RASA1: variants seen among roughly 807,000 people sequenced by gnomAD.
The protein encoded by RASA1 is ras GTPase-activating protein 1.
A neutral mutation model predicts 132.2 loss-of-function variants in RASA1; 25 were observed. The ratio of observed to expected loss-of-function variants is 0.19; its 90% CI spans 0.14 to 0.26. The LOEUF (loss-of-function observed/expected upper bound fraction) is 0.26, where lower values mean the gene tolerates loss of function less well. Among genes scored for constraint, RASA1 ranks in the 10% least tolerant of loss-of-function variants. The pLI is 1.00. For missense variants in RASA1, 964 were observed against 1,299.2 expected (o/e 0.74, Z 3.97); for synonymous variants, 477 against 449.9 (o/e 1.06, Z -0.76).
intron 24 of RASA1, 58 bp from the exon 25 acceptor site, chr5:87,390,742 A>C: frequency 7.0e-7 from 1 of 1,423,600 alleles, no homozygotes. Flanking sequence ...CCAGGTTCCC[A>C]TCCTGAAATT....
intron 19 of RASA1, 121 bp from the exon 20 acceptor site, chr5:87,380,388 T>C (rs924710371): frequency 2.2e-6 from 2 of 902,946 alleles, no homozygotes; most frequent in African/African-American, 3.3e-5. Context: ...AAAATACTTT[T>C]TTGGGTAAAA....
chr5:87,363,622 T>C, intron 11 of RASA1, 118 bp downstream of exon 11: 3 of 1,186,464 alleles, frequency 2.5e-6, no homozygotes, highest in Non-Finnish European at 3.6e-6. Context: ...AGATGCACTT[T>C]CTAGGTAATT....
At chr5:87,327,471 G>A (rs976092956) in intron 1 of RASA1, among the ~76,000 whole-genome samples, 7 of 152,262 alleles carry the variant, frequency 4.6e-5, no homozygotes, top group East Asian at 1.9e-4. Flanking sequence ...AGACTTGGCC[G>A]TAACTGTGGA....
intron 2 of RASA1, among the ~76,000 whole-genome samples, chr5:87,331,706 T>TA (rs1408130452): frequency 1.3e-5 from 2 of 152,216 alleles, no homozygotes; most frequent in Non-Finnish European, 2.9e-5. Context: ...TGTTGGGCAT[T>TA]ACTGTGCTGA....
At chr5:87,347,515 A>G (rs1347423440) in intron 7 of RASA1, among the ~76,000 whole-genome samples, 1 of 151,998 alleles carries the variant, frequency 6.6e-6, no homozygotes, top group African/African-American at 2.4e-5. Flanking sequence ...AGTTCTTCAA[A>G]AATGTTGACT....
intron 23 of RASA1, 149 bp from the exon 24 acceptor site, chr5:87,389,244 T>C (rs996607703): frequency 9.9e-5 from 89 of 901,556 alleles, no homozygotes; most frequent in Non-Finnish European, 1.4e-4. Context: ...GGCAGGAGAA[T>C]CGCTTGAACC....
chr5:87,344,407 T>TA (rs1425999006), intron 6 of RASA1, among the ~76,000 whole-genome samples: 1 of 152,172 alleles, frequency 6.6e-6, no homozygotes, highest in Non-Finnish European at 1.5e-5. Flanking sequence ...TAGCAGAGCC[T>TA]AAAAAATGAT....
At chr5:87,312,951 A>G (rs934628089) in intron 1 of RASA1, among the ~76,000 whole-genome samples, 3 of 152,216 alleles carry the variant, frequency 2.0e-5, no homozygotes, top group Non-Finnish European at 4.4e-5. Flanking sequence ...TGAGTAGGCC[A>G]GATTATTGAA....
At chr5:87,335,339 C>G in intron 4 of RASA1, among the ~76,000 whole-genome samples, 1 of 147,672 alleles carries the variant, frequency 6.8e-6, no homozygotes, top group Non-Finnish European at 1.5e-5. Context: ...TTTAGACATT[C>G]TGTATTGGCC....
intron 1 of RASA1, among the ~76,000 whole-genome samples, chr5:87,294,796 G>A (rs188396473): frequency 6.6e-6 from 1 of 152,236 alleles, no homozygotes; most frequent in East Asian, 1.9e-4. Context: ...TATTTCATTC[G>A]AGCTTGGAGA....
At chr5:87,271,042 C>T (rs1753807752) in intron 1 of RASA1, among the ~76,000 whole-genome samples, 2 of 152,162 alleles carry the variant, frequency 1.3e-5, no homozygotes, top group Admixed American at 6.5e-5. Flanking sequence ...AGTTTGAGAC[C>T]AGCCTGACCG....
At chr5:87,321,443 A>G (rs1236627162) in intron 1 of RASA1, among the ~76,000 whole-genome samples, 6 of 152,088 alleles carry the variant, frequency 3.9e-5, no homozygotes, top group African/African-American at 1.4e-4. Context: ...CCTCCTTCCC[A>G]CTGGTTGTAA....
At chr5:87,307,041 C>G (rs1484456276) in intron 1 of RASA1, among the ~76,000 whole-genome samples, 1 of 151,960 alleles carries the variant, frequency 6.6e-6, no homozygotes, top group Non-Finnish European at 1.5e-5. Context: ...TTTTAGAAAA[C>G]CTTTTTTGTA....
In RASA1 at chr5:87,268,589, C is replaced by G. The variant is rs1405244478; in HGVS notation, c.138C>G (p.Ala46=). 1.2e-6 allele frequency: 2 copies of G among 1,610,374 alleles called. No homozygotes were observed. The highest frequency in any genetic ancestry group is 1.1e-5 in the South Asian group (1 of 90,588). The part of the protein sequence containing the change: ...VKIPAALPVA[A]APYPGLVETG... ...TACCCGCGGCCCTGCCTGTGGCAGC[C>G]GCCCCCTATCCTGGGCTGGTGGAGA... Residue 46 remains alanine (A), a synonymous_variant, in exon 1 of 25, where the codon GCC becomes GCG. Coordinates refer to ENST00000274376, the MANE Select transcript of RASA1 (RefSeq NM_002890.3).
chr5:87,268,368 GGGT>G lies in RASA1; in HGVS notation c.-81_-79del. 7.0e-7 allele frequency: 1 copy of G among 1,434,176 alleles called. No homozygotes were observed. The highest frequency in any genetic ancestry group is 9.2e-7 in the Non-Finnish European group (1 of 1,086,078). The allele number at this position is 1,434,176 out of a possible 1,614,324, so 88.8% of individuals were successfully genotyped here. On this transcript the variant is annotated 5_prime_UTR_variant, in exon 1 of 25. Coordinates refer to ENST00000274376, the MANE Select transcript of RASA1 (RefSeq NM_002890.3). ...GGGGAGCTGAAGGGGAGACGCGTCTGGGTGGGGCTGCTCGGAGCCCGGGCCTGG... is the reference window on the plus strand; with the variant it reads ...GGGGAGCTGAAGGGGAGACGCGTCTGGGGGCTGCTCGGAGCCCGGGCCTGG...
At chr5:87,291,614 G>A (rs1025989707) in intron 1 of RASA1, among the ~76,000 whole-genome samples, 6 of 152,158 alleles carry the variant, frequency 3.9e-5, no homozygotes, top group Admixed American at 6.5e-5. Context: ...GGGTCATGGG[G>A]GAGGATCCCT....
intron 20 of RASA1, 140 bp downstream of exon 20, chr5:87,380,735 G>C: frequency 1.2e-6 from 1 of 810,304 alleles, no homozygotes; most frequent in Non-Finnish European, 2.1e-6. Flanking sequence ...TCTAAGTCCA[G>C]ATGGCTCCTA....
At position 87,328,538 on chromosome 5, in the gene RASA1, G is replaced by A. The variant is rs117285085; in HGVS notation, c.540-2810G>A. On this transcript the variant is annotated intron_variant, in intron 1 of 24. Coordinates refer to ENST00000274376, the MANE Select transcript of RASA1 (RefSeq NM_002890.3). ...TTTTAGACAAATAACCACTCCCAAA[G>A]TGTTCACTCTTGGGAAATGTTATAT... is the stretch of plus-strand genomic sequence containing the variant. Among the ~76,000 whole-genome samples, 74 of 152,194 alleles carry A rather than the reference G, an allele frequency of 4.9e-4. No homozygotes were observed. In the East Asian group the frequency reaches 0.013, roughly 27 times the overall value.
At chr5:87,379,524 G>C (rs1761557882) in intron 18 of RASA1, among the ~76,000 whole-genome samples, 1 of 152,032 alleles carries the variant, frequency 6.6e-6, no homozygotes. Flanking sequence ...TTTTCAGTTG[G>C]CTAATTGGGA....
Sources: gnomAD v4.1 joint callset for allele counts (sites outside exome capture counted in the v4.1 genomes callset) on GRCh38, gnomAD v4.1.1 for gene constraint, MANE v1.5 for transcripts, NCBI Gene and HGNC (gene_info 2026-07-23, HGNC 2026-07-21) for gene names.